Variants in USP34 observed in about 807,000 individuals in gnomAD.
USP34 encodes ubiquitin specific peptidase 34, also known as ubiquitin carboxyl-terminal hydrolase 34.
In USP34, 70 loss-of-function variants were observed where a neutral mutation model predicts 460.3. That is an observed-to-expected ratio of 0.15 (90% confidence interval 0.13 to 0.19). USP34 has a LOEUF of 0.19. Ranked by LOEUF, USP34 falls within the 10% of genes least tolerant of loss-of-function variation. The pLI is 1.00. For synonymous variants in USP34, 1,647 were observed against 1,405.3 expected, an observed-to-expected ratio of 1.17 and a Z score of -3.85; for missense variants, 3,985 against 4,236.2, an observed-to-expected ratio of 0.94 and a Z score of 1.65.
intron 8 of USP34, among the ~76,000 whole-genome samples, chr2:61,375,788 A>AC (rs1692778703): frequency 6.7e-6 from 1 of 148,728 alleles, no homozygotes; most frequent in Admixed American, 6.7e-5. Context: ...AAAAAAAAAA[A>AC]AAAAAAGTAG....
intron 5 of USP34, among the ~76,000 whole-genome samples, chr2:61,393,827 A>G (rs1693428845): frequency 6.6e-6 from 1 of 152,190 alleles, no homozygotes; most frequent in African/African-American, 2.4e-5. Flanking sequence ...ATTTTAATAT[A>G]CAGGTATTTA....
At chr2:61,435,835 C>T (rs780063486) in intron 1 of USP34, among the ~76,000 whole-genome samples, 20 of 151,972 alleles carry the variant, frequency 1.3e-4, no homozygotes, top group Non-Finnish European at 2.9e-4. Flanking sequence ...TCGAGACCAG[C>T]CTGGCCAATA....
intron 29 of USP34, among the ~76,000 whole-genome samples, chr2:61,300,613 C>A (rs1324542808): frequency 1.3e-5 from 2 of 151,370 alleles, no homozygotes; most frequent in Non-Finnish European, 2.9e-5. Flanking sequence ...CTGACCAACA[C>A]AGTGAAACCC....
At chr2:61,352,539 C>T (rs1041934054) in intron 10 of USP34, among the ~76,000 whole-genome samples, 1 of 151,608 alleles carries the variant, frequency 6.6e-6, no homozygotes, top group Non-Finnish European at 1.5e-5. Flanking sequence ...ATTGCCCAGT[C>T]TAATTTTAAA....
chr2:61,223,552 G>C (rs1457397917), intron 62 of USP34: 5 of 383,644 alleles, frequency 1.3e-5, no homozygotes, highest in African/African-American at 1.1e-4. Flanking sequence ...TAAAACAGTA[G>C]GATGGGTCTT....
chr2:61,188,032 A>G lies in USP34; in HGVS notation c.*70T>C. 2 of 1,533,626 alleles carry G rather than the reference A, an allele frequency of 1.3e-6. No individual in the cohort carries two copies. The highest frequency in any genetic ancestry group is 8.7e-7 in the Non-Finnish European group (1 of 1,143,994). On this transcript the variant is annotated 3_prime_UTR_variant, in exon 80 of 80. Coordinates refer to ENST00000398571, the MANE Select transcript of USP34 (RefSeq NM_014709.4). ...ACAAACTGAAGCACAAAAACAAATA[A>G]GCAAAACTTATACAAACAGCATGGG...
intron 2 of USP34, 46 bp from the exon 3 acceptor site, chr2:61,406,174 T>A: frequency 3.6e-6 from 5 of 1,401,494 alleles, no homozygotes; most frequent in Non-Finnish European, 4.7e-6. Flanking sequence ...AAGCAGCAGC[T>A]GTATTTTTTA....
At chr2:61,409,002 T>C (rs1198613651) in intron 2 of USP34, among the ~76,000 whole-genome samples, 2 of 151,980 alleles carry the variant, frequency 1.3e-5, no homozygotes, top group African/African-American at 4.8e-5. Flanking sequence ...GGCAGATGAC[T>C]AGAGGCCAGG....
chr2:61,377,589 C>T (rs1472015429), intron 8 of USP34, among the ~76,000 whole-genome samples: 2 of 152,118 alleles, frequency 1.3e-5, no homozygotes, highest in Non-Finnish European at 2.9e-5. Context: ...CCTCTTTCCA[C>T]CATGCGAAAA....
chr2:61,388,557 C>A (rs897932405), intron 5 of USP34, among the ~76,000 whole-genome samples: 1 of 151,230 alleles, frequency 6.6e-6, no homozygotes, highest in Non-Finnish European at 1.5e-5. Context: ...GAGATCGAGA[C>A]CATCCTAGCT....
chr2:61,443,401 A>G (rs1695021064), intron 1 of USP34, among the ~76,000 whole-genome samples: 1 of 152,170 alleles, frequency 6.6e-6, no homozygotes, highest in Non-Finnish European at 1.5e-5. Context: ...ATTTTGCATA[A>G]AAAAATCACT....
intron 3 of USP34, among the ~76,000 whole-genome samples, chr2:61,398,548 G>C (rs1573002338): frequency 1.2e-5 from 1 of 84,460 alleles, no homozygotes; most frequent in Non-Finnish European, 2.2e-5. Context: ...GGAAGCGGGG[G>C]AAGGAGGCGG....
At chr2:61,461,765 T>G (rs1053290639) in intron 1 of USP34, among the ~76,000 whole-genome samples, 11 of 152,122 alleles carry the variant, frequency 7.2e-5, no homozygotes, top group Non-Finnish European at 1.5e-5. Context: ...GCAAACAGTA[T>G]GAAAATAATG....
At chr2:61,417,473 G>C (rs1369613627) in intron 2 of USP34, 1 of 279,448 alleles carries the variant, frequency 3.6e-6, no homozygotes, top group African/African-American at 2.2e-5. Context: ...ATCACACAGA[G>C]ACTGACCATA....
intron 6 of USP34, among the ~76,000 whole-genome samples, chr2:61,381,642 T>C (rs1692978762): frequency 6.6e-6 from 1 of 152,144 alleles, no homozygotes; most frequent in Non-Finnish European, 1.5e-5. Context: ...TGGCTGGCTA[T>C]TGTTGTAAGC....
At chr2:61,460,507 A>T (rs771769058) in intron 1 of USP34, among the ~76,000 whole-genome samples, 1 of 152,202 alleles carries the variant, frequency 6.6e-6, no homozygotes, top group Non-Finnish European at 1.5e-5. Flanking sequence ...AGAAAAGCTT[A>T]TTTGAAGTGA....
At chr2:61,281,014 G>T in intron 38 of USP34, 76 bp downstream of exon 38, 1 of 1,461,546 alleles carries the variant, frequency 6.8e-7, no homozygotes, top group Admixed American at 2.3e-5. Context: ...AAATTTTAAG[G>T]ATATATTACA....
chr2:61,322,582 G>T (rs1246315871), intron 21 of USP34, among the ~76,000 whole-genome samples: 2 of 152,202 alleles, frequency 1.3e-5, no homozygotes, highest in African/African-American at 2.4e-5. Flanking sequence ...ACCAGAAGGG[G>T]CATGATGGTA....
At chr2:61,195,684 A>G (rs1361391332) in intron 75 of USP34, among the ~76,000 whole-genome samples, 1 of 152,098 alleles carries the variant, frequency 6.6e-6, no homozygotes, top group African/African-American at 2.4e-5. Flanking sequence ...ACAAAACAAA[A>G]AAACCATTAG....
Sources: allele counts gnomAD v4.1 joint callset (sites outside exome capture counted in the v4.1 genomes callset), GRCh38; gene constraint gnomAD v4.1.1; transcripts MANE v1.5; gene names NCBI Gene and HGNC (gene_info 2026-07-23, HGNC 2026-07-21).